Variants in PSEN2 observed in about 807,000 individuals in gnomAD.
The protein encoded by PSEN2 is presenilin 2, also known as presenilin-2.
A neutral mutation model predicts 49.1 loss-of-function variants in PSEN2; 32 were observed. That is an observed-to-expected ratio of 0.65 (90% CI 0.49 to 0.88). The LOEUF (loss-of-function observed/expected upper bound fraction) is 0.88, where lower values mean the gene tolerates loss of function less well. Among genes scored for constraint, PSEN2 ranks in the 40% least tolerant of loss-of-function variants. The pLI, the probability that PSEN2 is intolerant of heterozygous loss-of-function variation, is 0.00. For missense variants in PSEN2, 522 were observed against 586.9 expected (o/e 0.89, Z 1.14); for synonymous variants, 255 against 244.0 (o/e 1.05, Z -0.42).
intron 2 of PSEN2, among the ~76,000 whole-genome samples, chr1:226,873,044 G>A (rs1364601239): frequency 2.6e-5 from 4 of 152,148 alleles, no homozygotes; most frequent in Non-Finnish European, 1.5e-5. Flanking sequence ...GGGCGTGGTG[G>A]CACATGCCTG....
chr1:226,881,790 T>G (rs865964548), intron 3 of PSEN2, 98 bp from the exon 4 acceptor site: 5 of 1,336,508 alleles, frequency 3.7e-6, no homozygotes, highest in Non-Finnish European at 3.2e-6. Context: ...GCAGGACTTG[T>G]GTCCAAGTCT....
chr1:226,870,860 G>C (rs1012450389), intron 1 of PSEN2: 1 of 152,806 alleles, frequency 6.5e-6, no homozygotes, highest in Non-Finnish European at 1.5e-5. Flanking sequence ...GAGAGTGCCC[G>C]GCAGGCGGCG....
chr1:226,893,451 A>G (rs1291776127), intron 11 of PSEN2, among the ~76,000 whole-genome samples: 1 of 152,216 alleles, frequency 6.6e-6, no homozygotes, highest in Non-Finnish European at 1.5e-5. Context: ...AAGTTATCCT[A>G]TAAACAAGTG....
chr1:226,884,103 G>C (rs1280190159), intron 5 of PSEN2, among the ~76,000 whole-genome samples, 184 bp downstream of exon 5: 2 of 152,176 alleles, frequency 1.3e-5, no homozygotes, highest in Non-Finnish European at 2.9e-5. Context: ...GACCTACTTG[G>C]GCATGCTTTT....
In PSEN2 at chr1:226,896,027, C is replaced by G. The variant is rs891606399; in HGVS notation, c.*448C>G. 4.3e-6 allele frequency: 1 copy of G among 234,602 alleles called. No individual in the cohort carries two copies. Among genetic ancestry groups the G allele is most frequent in the Non-Finnish European group, 8.5e-6 (1 of 117,662 alleles). 14.5% of individuals were successfully genotyped at this position (234,602 alleles called of 1,614,324 possible). ...TTGCCTTTAGAAACTGAGTCCTGTT[C>G]TTGTTACGGCAGTCACACTGCTGGG... On this transcript the variant is annotated 3_prime_UTR_variant, in exon 13 of 13. Transcript: ENST00000366783.
chr1:226,875,064 G>C (rs1486069927), intron 2 of PSEN2, among the ~76,000 whole-genome samples: 1 of 152,132 alleles, frequency 6.6e-6, no homozygotes, highest in Non-Finnish European at 1.5e-5. Context: ...GGCTGTTAGA[G>C]GTAAGTCTAG....
At chr1:226,880,621 A>ACTCAGCCTCTGGACAGCGATG (rs1558142115) in intron 3 of PSEN2, 1 of 890,712 alleles carries the variant, frequency 1.1e-6, no homozygotes. Flanking sequence ...GGACAGCGAT[A>ACTCAGCCTCTGGACAGCGATG]ACTCAGCCTC....
At chr1:226,881,058 C>T (rs1205784469) in intron 3 of PSEN2, among the ~76,000 whole-genome samples, 2 of 152,200 alleles carry the variant, frequency 1.3e-5, no homozygotes, top group African/African-American at 4.8e-5. Flanking sequence ...TTCTCTCCTG[C>T]GTCAGGTCCT....
At chr1:226,902,997 A>G (rs59434032) in intron 12 of PSEN2, among the ~76,000 whole-genome samples, 38,442 of 150,634 alleles carry the variant, frequency 0.26, 5,353 homozygotes, top group African/African-American at 0.35. Flanking sequence ...GGAATCAGGA[A>G]GAATTATTTG....
chr1:226,877,409 G>C (rs1488415537), intron 3 of PSEN2, among the ~76,000 whole-genome samples: 1 of 152,202 alleles, frequency 6.6e-6, no homozygotes, highest in Non-Finnish European at 1.5e-5. Context: ...CTTGCTCCAG[G>C]ATGTTTAGTG....
chr1:226,890,016 G>T lies in PSEN2; in HGVS notation c.788-19G>T, dbSNP rs1197505636. The stretch of plus-strand genomic sequence containing the variant: ...GGCTGCCCGGGGATAGTTTGACAAG[G>T]ATGTCTCTGTCTTCCTAGATCTCGT... On this transcript the variant is annotated intron_variant, in intron 8 of 12. Transcript: ENST00000366783. The T allele has an allele frequency of 6.3e-7, 1 of 1,598,174 alleles. No individual in the cohort carries two copies. The highest frequency in any genetic ancestry group is 8.6e-7 in the Non-Finnish European group (1 of 1,165,482).
In PSEN2 at chr1:226,883,781, C is replaced by G. The variant is rs748397935; in HGVS notation, c.218C>G (p.Pro73Arg). 3 of 1,614,212 alleles carry G rather than the reference C, an allele frequency of 1.9e-6. No homozygotes were observed. In the South Asian group the frequency reaches 3.3e-5, roughly 18 times the overall value. ...TGTAGTGGGGTTCCCGGGCGGCCGC[C>G]AGGCCTGGAGGAAGAGCTGACCCTC... is the stretch of plus-strand genomic sequence containing the variant. ...YVCSGVPGRP[P>R]GLEEELTLKY... Residue 73 changes from proline (P) to arginine (R), a missense_variant, in exon 5 of 13, where the codon CCA becomes CGA. Coordinates refer to ENST00000366783, the MANE Select transcript of PSEN2 (RefSeq NM_000447.3).
rs199587016 is a variant in PSEN2 at position 226,891,345 on chromosome 1, C to T, written c.954C>T (p.Pro318=). 2.3e-4 allele frequency: 363 copies of T among 1,613,320 alleles called. 2 individuals carry two copies. The highest frequency in any genetic ancestry group is 1.5e-3 in the Middle Eastern group (9 of 6,060). The change falls in exon 10 of 13, where the codon CCC becomes CCT. Residue 318 remains proline (P), a synonymous_variant. Coordinates refer to ENST00000366783, the MANE Select transcript of PSEN2 (RefSeq NM_000447.3). ...DPSSQGALQL[P]YDPEMEEDSY... ...CCTCTCAGGGTGCCCTCCAGCTCCC[C>T]TACGACCCGGAGATGGGTGAGTATC...
intron 12 of PSEN2, among the ~76,000 whole-genome samples, chr1:226,895,221 G>C (rs924559852): frequency 6.6e-6 from 1 of 152,202 alleles, no homozygotes; most frequent in African/African-American, 2.4e-5. Flanking sequence ...CTCACTAACA[G>C]GTGAGGTGAT....
Position 226,875,521 on chromosome 1 carries a change from C to T in PSEN2, c.-50C>T, listed in dbSNP as rs1660576289. On this transcript the variant is annotated 5_prime_UTR_variant, in exon 3 of 13. Transcript: ENST00000366783. ...AAGAAGAAACCAAGTGTCCGGGATT[C>T]AGACCTCTCTGCGGCCCCAAGTGTT... 1 of 152,244 alleles carries T rather than the reference C, an allele frequency of 6.6e-6. No homozygotes were observed. Among genetic ancestry groups the T allele is most frequent in the Admixed American group, 6.5e-5 (1 of 15,276 alleles). 9.4% of individuals were successfully genotyped at this position (152,244 alleles called of 1,614,324 possible). A position where few individuals can be genotyped will look rare whatever the true frequency, so the allele number is the denominator to read the frequency against.
Position 226,889,051 on chromosome 1 carries a change from T to C in PSEN2, c.787+2T>C. 1 of 1,612,380 alleles carries C rather than the reference T, an allele frequency of 6.2e-7. No homozygotes were observed. The highest frequency in any genetic ancestry group is 8.5e-7 in the Non-Finnish European group (1 of 1,179,152). On this transcript the variant is annotated splice_donor_variant, in intron 8 of 12. Coordinates refer to ENST00000366783, the MANE Select transcript of PSEN2 (RefSeq NM_000447.3). LOFTEE classifies it high-confidence loss of function. Reference sequence around the variant, plus strand: ...TCCTGGGCGCCATCTCTGTGTATGGTAGGTGGGCAGCAAGGCTGGTGGGGG... The same window carrying C: ...TCCTGGGCGCCATCTCTGTGTATGGCAGGTGGGCAGCAAGGCTGGTGGGGG...
Position 226,888,076 on chromosome 1 carries a change from A to G in PSEN2, c.499-15A>G, listed in dbSNP as rs777722810. 9.9e-6 allele frequency: 16 copies of G among 1,610,832 alleles called. No individual in the cohort carries two copies. Among genetic ancestry groups the G allele is most frequent in the African/African-American group, 1.3e-5 (1 of 74,800 alleles). On this transcript the variant is annotated splice_polypyrimidine_tract_variant and intron_variant, in intron 6 of 12. Transcript: ENST00000366783. ...CTTGGGGACACCTTGTGATCGTGCA[A>G]TTTCTGTTGTCTAGTTCATCCATGG...
chr1:226,885,124 C>T (rs1309713445), intron 5 of PSEN2, among the ~76,000 whole-genome samples: 1 of 151,268 alleles, frequency 6.6e-6, no homozygotes, highest in East Asian at 1.9e-4. Context: ...GCAGTTGCTT[C>T]AGCGGATGGG....
intron 10 of PSEN2, 33 bp downstream of exon 10, chr1:226,891,394 C>T: frequency 6.4e-7 from 1 of 1,563,852 alleles, no homozygotes; most frequent in Middle Eastern, 1.7e-4. Flanking sequence ...AGCCTCTCAT[C>T]ACTGGGGGGC....
Sources: allele counts gnomAD v4.1 joint callset (sites outside exome capture counted in the v4.1 genomes callset), GRCh38; gene constraint gnomAD v4.1.1; transcripts MANE v1.5; gene names NCBI Gene and HGNC (gene_info 2026-07-23, HGNC 2026-07-21).